LARP1: variants seen among roughly 807,000 people sequenced by gnomAD.
LARP1 encodes the protein la-related protein 1.
Under a neutral mutation model 122.7 loss-of-function variants are expected in LARP1, and 36 were observed. The observed-to-expected ratio is 0.29, with a 90% CI of 0.22 to 0.39. The LOEUF is 0.39. Ranked by LOEUF, LARP1 falls within the 10% of genes least tolerant of loss-of-function variation. The pLI is 1.00. For synonymous variants in LARP1, 539 were observed against 528.7 expected (o/e 1.02, Z -0.27); for missense variants, 1,040 against 1,403.6 (o/e 0.74, Z 4.14).
At chr5:154,770,994 C>T (rs1430557379) in intron 1 of LARP1, among the ~76,000 whole-genome samples, 1 of 152,036 alleles carries the variant, frequency 6.6e-6, no homozygotes, top group Non-Finnish European at 1.5e-5. Context: ...CGCCCGTAAT[C>T]CCAGCTACTC....
At chr5:154,721,522 G>A (rs989017905) in intron 1 of LARP1, among the ~76,000 whole-genome samples, 1 of 152,090 alleles carries the variant, frequency 6.6e-6, no homozygotes, top group African/African-American at 2.4e-5. Flanking sequence ...GGGGGTGTAG[G>A]GGAGGCCAGG....
upstream of LARP1, among the ~76,000 whole-genome samples, chr5:154,753,217 G>C (rs1753597383): frequency 6.6e-6 from 1 of 152,126 alleles, no homozygotes; most frequent in Non-Finnish European, 1.5e-5. Context: ...TAATAATTAT[G>C]TCCCCTATTA....
upstream of LARP1, among the ~76,000 whole-genome samples, chr5:154,710,362 A>C (rs1755156058): frequency 6.6e-6 from 1 of 152,144 alleles, no homozygotes; most frequent in African/African-American, 2.4e-5. Flanking sequence ...CTGTAATCCC[A>C]GTACTTTGGA....
At chr5:154,720,467 C>T (rs751143014) in intron 1 of LARP1, among the ~76,000 whole-genome samples, 22 of 152,118 alleles carry the variant, frequency 1.4e-4, no homozygotes, top group Non-Finnish European at 2.6e-4. Flanking sequence ...GTAATTCCAA[C>T]ATCTTGGGAG....
chr5:154,805,017 TA>T (rs1469473510), intron 14 of LARP1: 3 of 423,406 alleles, frequency 7.1e-6, no homozygotes, highest in Non-Finnish European at 1.4e-5. Context: ...GCCTTACCAA[TA>T]ACATATAGTC....
intron 1 of LARP1, among the ~76,000 whole-genome samples, chr5:154,716,423 T>C (rs908561944): frequency 6.6e-6 from 1 of 151,928 alleles, no homozygotes; most frequent in Admixed American, 6.6e-5. Flanking sequence ...GCCCAGCCTT[T>C]TACTGTTTAA....
chr5:154,698,470 G>C (rs1016478644), intron 1 of LARP1, among the ~76,000 whole-genome samples: 2 of 152,102 alleles, frequency 1.3e-5, no homozygotes, highest in Admixed American at 1.3e-4. Context: ...GGTGGCAGGC[G>C]CCTGTAATCC....
intron 1 of LARP1, among the ~76,000 whole-genome samples, chr5:154,767,117 C>T (rs1375989868): frequency 6.6e-6 from 1 of 152,042 alleles, no homozygotes; most frequent in Non-Finnish European, 1.5e-5. Context: ...GAACTTGGGA[C>T]AGTCAGTCAC....
At chr5:154,700,338 G>C (rs763457622) in intron 1 of LARP1, among the ~76,000 whole-genome samples, 1 of 151,922 alleles carries the variant, frequency 6.6e-6, no homozygotes, top group Non-Finnish European at 1.5e-5. Context: ...GGGTATTTGA[G>C]TCATTGTGTG....
In LARP1 at chr5:154,716,267, C is replaced by A. The variant is rs189164990; in HGVS notation, c.205+3137C>A. Among the ~76,000 whole-genome samples the A allele has an allele frequency of 2.2e-4, 34 of 152,150 alleles. No homozygotes were observed. In the East Asian group the frequency reaches 5.0e-3, roughly 23 times the overall value. Reference sequence around the variant, plus strand: ...CTGTAGCAGCTGGGATTACAGGCGCCCGCCACCACGCCCAGCTATTTTTTT... The same window carrying A: ...CTGTAGCAGCTGGGATTACAGGCGCACGCCACCACGCCCAGCTATTTTTTT... On this transcript the variant is annotated intron_variant, in intron 1 of 18. Transcript: ENST00000336314.
Position 154,813,951 on chromosome 5 carries a change from A to C in LARP1, c.3146A>C (p.Glu1049Ala), listed in dbSNP as rs1426282212. The C allele has an allele frequency of 6.2e-7, 1 of 1,614,050 alleles. No individual in the cohort carries two copies. The highest frequency in any genetic ancestry group is 1.7e-5 in the Admixed American group (1 of 60,012). ...HSVVAGGGGG[E>A]GRKRCPSQSS... is the part of the protein sequence containing the mutation. ...GTGGTAGCAGGAGGTGGCGGCGGTG[A>C]GGGCAGGAAGCGGTGCCCCTCCCAG... Residue 1049 changes from glutamate (E) to alanine (A), a missense_variant, in exon 19 of 19, where the codon GAG (glutamate) becomes GCG (alanine). Glu to Ala is a moderately radical substitution (Grantham distance 107). Around this residue, in one of 8 missense-constraint regions of LARP1, gnomAD observed 129 missense variants for 160.8 expected, o/e 0.80. Coordinates refer to ENST00000518297, the MANE Select transcript of LARP1 (RefSeq NM_033551.3).
At chr5:154,688,841 C>A (rs1289496947) in intron 1 of LARP1, among the ~76,000 whole-genome samples, 1 of 151,996 alleles carries the variant, frequency 6.6e-6, no homozygotes, top group Non-Finnish European at 1.5e-5. Context: ...TGAAATAAAA[C>A]AACATTGGAA....
upstream of LARP1, among the ~76,000 whole-genome samples, chr5:154,710,109 A>G (rs184779967): frequency 1.0e-3 from 159 of 152,174 alleles, 3 homozygotes; most frequent in East Asian, 0.026. Context: ...AGCCGCTGTA[A>G]ATACAGACAA....
At chr5:154,792,936 G>A in intron 4 of LARP1, 140 bp downstream of exon 4, 4 of 769,802 alleles carry the variant, frequency 5.2e-6, no homozygotes, top group Non-Finnish European at 4.1e-6. Flanking sequence ...AGGCTGGTGA[G>A]ATAGCAGTCT....
chr5:154,744,869 C>A (rs1360594062), intron 1 of LARP1, among the ~76,000 whole-genome samples: 3 of 123,972 alleles, frequency 2.4e-5, no homozygotes, highest in Non-Finnish European at 4.9e-5. Flanking sequence ...GATCTCCTGA[C>A]CTCGTGATCC....
intron 1 of LARP1, among the ~76,000 whole-genome samples, chr5:154,788,003 C>T (rs1757025372): frequency 6.6e-6 from 1 of 152,238 alleles, no homozygotes; most frequent in Non-Finnish European, 1.5e-5. Flanking sequence ...TACCTGATTT[C>T]TCTTTATAAC....
intron 1 of LARP1, among the ~76,000 whole-genome samples, chr5:154,690,671 C>G (rs1414399499): frequency 1.3e-5 from 2 of 152,190 alleles, no homozygotes; most frequent in East Asian, 1.9e-4. Context: ...CTTTGTACCC[C>G]CAGCTGCGGA....
At chr5:154,720,123 G>A (rs1013183928) in intron 1 of LARP1, among the ~76,000 whole-genome samples, 7 of 151,738 alleles carry the variant, frequency 4.6e-5, no homozygotes, top group African/African-American at 1.2e-4. Context: ...CCTGGAAGGC[G>A]GAGGTTGCAG....
At chr5:154,787,356 G>A (rs1305891716) in intron 1 of LARP1, among the ~76,000 whole-genome samples, 1 of 152,186 alleles carries the variant, frequency 6.6e-6, no homozygotes, top group Non-Finnish European at 1.5e-5. Context: ...TGCATTGGCG[G>A]CCATTACAGA....
Sources: allele counts gnomAD v4.1 joint callset (sites outside exome capture counted in the v4.1 genomes callset), GRCh38; gene constraint gnomAD v4.1.1; regional missense constraint gnomAD v4.1.1; transcripts MANE v1.5; gene names NCBI Gene and HGNC (gene_info 2026-07-23, HGNC 2026-07-21).